The following KAZN variants were observed in gnomAD, a reference collection of about 807,000 sequenced individuals.
KAZN encodes kazrin, periplakin interacting protein, also known as kazrin.
Under a neutral mutation model 87.4 loss-of-function variants are expected in KAZN, and 40 were observed. The observed-to-expected ratio is 0.46, with a 90% CI of 0.36 to 0.60. The LOEUF (loss-of-function observed/expected upper bound fraction) is 0.60. Among genes scored for constraint, KAZN ranks in the 20% least tolerant of loss-of-function variants. The pLI is 0.00. For missense variants in KAZN, 898 were observed against 1,073.9 expected (o/e 0.84, Z 2.29); for synonymous variants, 466 against 458.3 (o/e 1.02, Z -0.22).
intron 8 of KAZN, among the ~76,000 whole-genome samples, chr1:15,088,542 G>A (rs1437931403): frequency 1.3e-5 from 2 of 152,190 alleles, no homozygotes; most frequent in South Asian, 4.1e-4. Flanking sequence ...CCGCGACTCG[G>A]CAGCCCCTCC....
chr1:15,087,796 C>T (rs1214785164), intron 8 of KAZN, among the ~76,000 whole-genome samples: 1 of 152,198 alleles, frequency 6.6e-6, no homozygotes, highest in African/African-American at 2.4e-5. Flanking sequence ...GACATGGGCC[C>T]GCAGGGGACA....
chr1:14,929,251 A>G (rs6429692), intron 1 of KAZN, among the ~76,000 whole-genome samples: 48,953 of 152,130 alleles, frequency 0.32, 8,763 homozygotes, highest in African/African-American at 0.47. Flanking sequence ...AATATATATA[A>G]TACATTTTCT....
intron 1 of KAZN, among the ~76,000 whole-genome samples, chr1:14,893,786 G>A (rs1413191083): frequency 1.6e-4 from 25 of 152,136 alleles, no homozygotes; most frequent in Non-Finnish European, 7.3e-5. Context: ...CATTTGAAAA[G>A]TCCCTTTCAC....
At chr1:14,645,476 T>C (rs1680744042) in intron 1 of KAZN, among the ~76,000 whole-genome samples, 1 of 152,238 alleles carries the variant, frequency 6.6e-6, no homozygotes, top group Admixed American at 6.5e-5. Context: ...CTGATTTCTT[T>C]GAGCAGTGTT....
At chr1:14,775,738 G>C (rs1645157054) in intron 1 of KAZN, among the ~76,000 whole-genome samples, 1 of 152,234 alleles carries the variant, frequency 6.6e-6, no homozygotes, top group Admixed American at 6.5e-5. Context: ...CTTGAAGCAG[G>C]AGAAAGGGGC....
At chr1:14,400,635 G>A (rs1663320392) in intron 2 of KAZN, among the ~76,000 whole-genome samples, 1 of 152,162 alleles carries the variant, frequency 6.6e-6, no homozygotes, top group African/African-American at 2.4e-5. Context: ...CTTGTCTTTA[G>A]AGTAATAAGC....
At chr1:14,153,030 A>C (rs1421356283) in intron 1 of KAZN, among the ~76,000 whole-genome samples, 1 of 152,210 alleles carries the variant, frequency 6.6e-6, no homozygotes, top group African/African-American at 2.4e-5. Context: ...GCCCACTTAA[A>C]AATCAGATTA....
chr1:15,108,476 A>G (rs1305124176), intron 13 of KAZN, among the ~76,000 whole-genome samples: 1 of 152,212 alleles, frequency 6.6e-6, no homozygotes, highest in East Asian at 1.9e-4. Context: ...TCAGCTTGCA[A>G]TGGGGATGAT....
chr1:14,401,329 A>G (rs1203195528), intron 2 of KAZN, among the ~76,000 whole-genome samples: 3 of 151,984 alleles, frequency 2.0e-5, no homozygotes. Context: ...GAAGAAGCAC[A>G]AAAGAGAGAA....
chr1:14,714,441 G>T (rs1165803241), intron 1 of KAZN, among the ~76,000 whole-genome samples: 1 of 152,202 alleles, frequency 6.6e-6, no homozygotes, highest in Non-Finnish European at 1.5e-5. Flanking sequence ...CAGTATGTTT[G>T]CATGGCCTCC....
At chr1:14,228,783 T>A (rs1647530563) in intron 2 of KAZN, among the ~76,000 whole-genome samples, 1 of 152,164 alleles carries the variant, frequency 6.6e-6, no homozygotes, top group Non-Finnish European at 1.5e-5. Flanking sequence ...AAATTCTAGA[T>A]CATGTATTAA....
rs544409463 is a variant in KAZN at position 14,369,064 on chromosome 1, C to T, written c.249+188472C>T. Among the ~76,000 whole-genome samples, 14 of 152,308 alleles carry T rather than the reference C, an allele frequency of 9.2e-5. 1 individual carries two copies. The East Asian group carries it at 2.5e-3, about 27-fold the overall frequency. Reference sequence around the variant, plus strand: ...TAAATAGTATTGACTTTCATTAGCTCACTAGCAACTGCTAGAGATGGAAGG... The same window carrying T: ...TAAATAGTATTGACTTTCATTAGCTTACTAGCAACTGCTAGAGATGGAAGG... On this transcript the variant is annotated intron_variant, in intron 2 of 16. Transcript: ENST00000636203.
Position 14,113,522 on chromosome 1 carries a change from C to T in KAZN, c.92-66913C>T, listed in dbSNP as rs142839155. 3.7e-3 allele frequency among the ~76,000 whole-genome samples: 565 copies of T among 152,304 alleles called. 4 individuals are homozygous for T. The highest frequency in any genetic ancestry group is 5.9e-3 in the Non-Finnish European group (400 of 68,020). ...GACGTCATTTATTACGTCCTTCCCA[C>T]GTACTTGGTATTTTTCCAAAAACTT... is the stretch of plus-strand genomic sequence containing the variant. On this transcript the variant is annotated intron_variant, in intron 1 of 16. Coordinates refer to the KAZN transcript ENST00000636203.
At chr1:14,846,149 G>A (rs971334081) in intron 1 of KAZN, among the ~76,000 whole-genome samples, 1 of 152,204 alleles carries the variant, frequency 6.6e-6, no homozygotes, top group Non-Finnish European at 1.5e-5. Context: ...CATAGGGGAG[G>A]AAAGTTCTAT....
intron 1 of KAZN, among the ~76,000 whole-genome samples, chr1:14,607,520 C>T (rs1677466389): frequency 6.6e-6 from 1 of 152,236 alleles, no homozygotes; most frequent in African/African-American, 2.4e-5. Flanking sequence ...TTAGGATTTG[C>T]ATGTCAGACA....
At chr1:14,389,273 C>CA (rs1662217064) in intron 2 of KAZN, among the ~76,000 whole-genome samples, 2 of 152,048 alleles carry the variant, frequency 1.3e-5, no homozygotes, top group South Asian at 4.1e-4. Context: ...CTAGTACAAT[C>CA]ACAAAGGAAA....
At chr1:14,337,077 A>C (rs2100892440) in intron 2 of KAZN, among the ~76,000 whole-genome samples, 1 of 152,362 alleles carries the variant, frequency 6.6e-6, no homozygotes, top group Non-Finnish European at 1.5e-5. Context: ...ACAAACATCC[A>C]CTGCAATTAG....
intron 1 of KAZN, among the ~76,000 whole-genome samples, chr1:14,006,610 G>A (rs1640047278): frequency 6.6e-6 from 1 of 152,108 alleles, no homozygotes; most frequent in Non-Finnish European, 1.5e-5. Flanking sequence ...CCTTTCTCCA[G>A]TGTGTCTTCT....
intron 2 of KAZN, among the ~76,000 whole-genome samples, chr1:14,373,843 C>T (rs1660696564): frequency 6.6e-6 from 1 of 152,146 alleles, no homozygotes; most frequent in East Asian, 1.9e-4. Flanking sequence ...AAAGTTGTGC[C>T]TCTTCACTAA....
Sources: allele counts gnomAD v4.1 joint callset (sites outside exome capture counted in the v4.1 genomes callset), GRCh38; gene constraint gnomAD v4.1.1; transcripts MANE v1.5; gene names NCBI Gene and HGNC (gene_info 2026-07-23, HGNC 2026-07-21).